The following TRIM68 variants were observed in gnomAD, a reference collection of about 807,000 sequenced individuals.
TRIM68 encodes E3 ubiquitin-protein ligase TRIM68.
In TRIM68, 36 loss-of-function variants were observed where a neutral mutation model predicts 41.9. The observed-to-expected ratio is 0.86, with a 90% CI of 0.66 to 1.14. The LOEUF is 1.14. Ranked by LOEUF, TRIM68 falls within the 50% of genes most tolerant of loss-of-function variation. The probability of loss-of-function intolerance (pLI) is 0.00; values close to 1 mark genes in which losing one functional copy is unlikely to be tolerated. For missense variants in TRIM68, 632 were observed against 605.1 expected, an observed-to-expected ratio of 1.04 and a Z score of -0.47; for synonymous variants, 225 against 224.6, an observed-to-expected ratio of 1.00 and a Z score of -0.02.
At position 4,600,510 on chromosome 11, in the gene TRIM68, G is replaced by A. The variant is rs1846468232; in HGVS notation, c.1224C>T (p.Thr408=). 5.6e-6 allele frequency: 9 copies of A among 1,613,662 alleles called. No homozygotes were observed. In the South Asian group the frequency reaches 6.6e-5, roughly 12 times the overall value. The change falls in exon 7 of 7, where the codon ACC becomes ACT. Residue 408 remains threonine (T), a synonymous_variant. Coordinates refer to ENST00000300747, the MANE Select transcript of TRIM68 (RefSeq NM_018073.8). ...LRKGNEYRAG[T]DEYPILSLPV... ...GCAAGGACAGGATTGGGTACTCATC[G>A]GTGCCTGCTCGGTACTCATTTCCCT...
chr11:4,600,338 A>C lies in TRIM68; in HGVS notation c.1396T>G (p.Tyr466Asp), dbSNP rs1486511988. 1 of 1,612,192 alleles carries C rather than the reference A, an allele frequency of 6.2e-7. No homozygotes were observed. Among genetic ancestry groups the C allele is most frequent in the Admixed American group, 1.7e-5 (1 of 59,898 alleles). The change falls in exon 7 of 7, where the codon TAC becomes GAC. Residue 466 changes from tyrosine (Y) to aspartate (D), a missense_variant. By Grantham distance (160) the Tyr-to-Asp change is radical (BLOSUM62 -3). Coordinates refer to ENST00000300747, the MANE Select transcript of TRIM68 (RefSeq NM_018073.8). Reference protein sequence around the residue: ...GRLLPYFSPCYSIGTNNTAPL... With the variant: ...GRLLPYFSPCDSIGTNNTAPL... ...GCAGTGTTGTTGGTTCCAATGCTGT[A>C]GCAAGGACTAAAATAGGGCAGGAGG...
At position 4,602,382 on chromosome 11, in the gene TRIM68, C is replaced by T. The variant is rs200587212; in HGVS notation, c.553G>A (p.Val185Ile). The T allele has an allele frequency of 1.2e-5, 20 of 1,614,002 alleles. No homozygotes were observed. In the Admixed American group the frequency reaches 3.3e-4, roughly 27 times the overall value. Residue 185 changes from valine (V) to isoleucine (I), a missense_variant, in exon 4 of 7, where the codon GTA becomes ATA. Transcript: ENST00000300747. ...CGCTGGTATTTTTCAAACTCCCATACAATACTCTGTTTTCGGGTTTCCACC... is the reference window on the plus strand; with the variant it reads ...CGCTGGTATTTTTCAAACTCCCATATAATACTCTGTTTTCGGGTTTCCACC... ...IQVETRKQSI[V>I]WEFEKYQRLL...
At chr11:4,604,572 G>A (rs189053580) in intron 2 of TRIM68, among the ~76,000 whole-genome samples, 16 of 152,328 alleles carry the variant, frequency 1.1e-4, no homozygotes, top group Non-Finnish European at 1.9e-4. Flanking sequence ...TCAATCTTGT[G>A]ACTCACCCAT....
Position 4,600,107 on chromosome 11 carries a change from T to TCGCCG in TRIM68, c.*168_*169insCGGCG. ...GGCCTCTGCTTTTTAAAATAAGTGGTTTCATGACAGACTTCAGCCTGGTAG... is the reference window on the plus strand; with the variant it reads ...GGCCTCTGCTTTTTAAAATAAGTGGTCGCCGTTCATGACAGACTTCAGCCTGGTAG... On this transcript the variant is annotated 3_prime_UTR_variant, in exon 7 of 7. Coordinates refer to ENST00000300747, the MANE Select transcript of TRIM68 (RefSeq NM_018073.8). The TCGCCG allele has an allele frequency of 1.5e-6, 1 of 651,836 alleles. No homozygotes were observed. The highest frequency in any genetic ancestry group is 2.9e-5 in the South Asian group (1 of 34,006). The allele number at this position is 651,836 out of a possible 1,614,324, so 40.4% of individuals were successfully genotyped here. A position where few individuals can be genotyped will look rare whatever the true frequency, so the allele number is the denominator to read the frequency against.
chr11:4,605,661 CT>C, intron 1 of TRIM68, 100 bp from the exon 2 acceptor site: 1 of 742,718 alleles, frequency 1.3e-6, no homozygotes. Flanking sequence ...AACCACCTTC[CT>C]TTTGACCCTT....
chr11:4,603,462 G>A (rs1564865772), intron 2 of TRIM68, 122 bp from the exon 3 acceptor site: 2 of 802,616 alleles, frequency 2.5e-6, no homozygotes, highest in Non-Finnish European at 4.0e-6. Flanking sequence ...TGGGGAAAGG[G>A]AATGCCACAG....
At position 4,601,091 on chromosome 11, in the gene TRIM68, G is replaced by T. The variant is rs772773808; in HGVS notation, c.843C>A (p.Ile281=). ...KSWSLQQPEP[I]SLELKTDCRV... is the part of the protein sequence containing the mutation. The stretch of plus-strand genomic sequence containing the variant: ...GGCAATCTGTCTTCAACTCCAGGGA[G>T]ATTGGTTCTGGCTGCTGCAAGCTCC... The change falls in exon 6 of 7, where the codon ATC becomes ATA. Residue 281 remains isoleucine (I), a synonymous_variant. Transcript: ENST00000300747. 17 of 1,614,182 alleles carry T rather than the reference G, an allele frequency of 1.1e-5. No individual in the cohort carries two copies. The highest frequency in any genetic ancestry group is 1.4e-5 in the Non-Finnish European group (17 of 1,180,020).
Position 4,599,994 on chromosome 11 carries a change from T to C in TRIM68, c.*282A>G, listed in dbSNP as rs976032364. The C allele has an allele frequency of 2.8e-5, 9 of 325,282 alleles. No individual in the cohort carries two copies. The highest frequency in any genetic ancestry group is 4.5e-5 in the Non-Finnish European group (8 of 177,230). The allele number at this position is 325,282 out of a possible 1,614,324, so 20.1% of individuals were successfully genotyped here. A position where few individuals can be genotyped will look rare whatever the true frequency, so the allele number is the denominator to read the frequency against. ...ACTACATGGACAAAGTCCTGATCCT[T>C]ACCCCAACGAGTCACCTTAGAACTG... On this transcript the variant is annotated 3_prime_UTR_variant, in exon 7 of 7. Coordinates refer to ENST00000300747, the MANE Select transcript of TRIM68 (RefSeq NM_018073.8).
chr11:4,600,967 T>C (rs1846479375), intron 6 of TRIM68, 60 bp downstream of exon 6: 3 of 1,587,746 alleles, frequency 1.9e-6, no homozygotes, highest in Non-Finnish European at 2.6e-6. Flanking sequence ...CTGAACCATT[T>C]TCTATCTCTG....
chr11:4,605,382 A>T lies in TRIM68; in HGVS notation c.123T>A (p.Ser41=). 1 of 1,614,234 alleles carries T rather than the reference A, an allele frequency of 6.2e-7. No individual in the cohort carries two copies. Among genetic ancestry groups the T allele is most frequent in the Non-Finnish European group, 8.5e-7 (1 of 1,180,038 alleles). Residue 41 remains serine (S), a synonymous_variant, in exon 2 of 7, where the codon TCT becomes TCA. Coordinates refer to ENST00000300747, the MANE Select transcript of TRIM68 (RefSeq NM_018073.8). ...ATTCTCCTGGGATCTCCCAGAGTCCAGAGAGACAGCTGTGGCAGAAGCTGT... is the reference window on the plus strand; with the variant it reads ...ATTCTCCTGGGATCTCCCAGAGTCCTGAGAGACAGCTGTGGCAGAAGCTGT... ...CGHSFCHSCL[S]GLWEIPGESQ...
At chr11:4,602,536 A>G in intron 3 of TRIM68, 124 bp from the exon 4 acceptor site, 1 of 1,278,316 alleles carries the variant, frequency 7.8e-7, no homozygotes, top group Non-Finnish European at 1.1e-6. Context: ...GCAGGGGCAA[A>G]GATAAAGGAT....
Position 4,600,741 on chromosome 11 carries a change from G to C in TRIM68, c.993C>G (p.Asn331Lys), listed in dbSNP as rs775498491. 1 of 1,614,182 alleles carries C rather than the reference G, an allele frequency of 6.2e-7. No individual in the cohort carries two copies. Among genetic ancestry groups the C allele is most frequent in the Admixed American group, 1.7e-5 (1 of 60,014 alleles). The change falls in exon 7 of 7, where the codon AAC (asparagine) becomes AAG (lysine). Residue 331 changes from asparagine to lysine, a missense_variant. Physicochemically the swap from Asn to Lys is moderately conservative, Grantham distance 94 (BLOSUM62 0). Coordinates refer to ENST00000300747, the MANE Select transcript of TRIM68 (RefSeq NM_018073.8). ...DRKRVHYGDT[N>K]QKLPDNPERF... ...TCTCAGGATTGTCTGGCAGTTTCTG[G>C]TTGGTGTCTCCATAGTGCACACGTT... is the stretch of plus-strand genomic sequence containing the variant.
chr11:4,605,633 A>G, intron 1 of TRIM68, 72 bp from the exon 2 acceptor site: 2 of 967,262 alleles, frequency 2.1e-6, no homozygotes, highest in East Asian at 2.6e-5. Context: ...TAACAGGAAT[A>G]ATTAATTTCT....
In TRIM68 at chr11:4,602,148, TCACCTGCAA is replaced by T; in HGVS notation, c.778_783+3del. On this transcript the variant is annotated splice_donor_variant and splice_donor_region_variant and coding_sequence_variant and intron_variant, in exon 4 of 7. Coordinates refer to ENST00000300747, the MANE Select transcript of TRIM68 (RefSeq NM_018073.8). LOFTEE classifies it high-confidence loss of function. ...CAGGGTTACCAGGAAAACCTACTAC[TCACCTGCAA>T]CATCCAGCGGACAGGCCTCTGCGAC... 1 of 1,614,166 alleles carries T rather than the reference TCACCTGCAA, an allele frequency of 6.2e-7. No homozygotes were observed.
Position 4,600,726 on chromosome 11 carries a change from G to A in TRIM68, c.1008C>T (p.Asp336=). 2.5e-6 allele frequency: 4 copies of A among 1,614,192 alleles called. No individual in the cohort carries two copies. Among genetic ancestry groups the A allele is most frequent in the Non-Finnish European group, 3.4e-6 (4 of 1,180,040 alleles). ...HYGDTNQKLP[D]NPERFYRYNI... ...TATAGCGGTAAAATCTCTCAGGATT[G>A]TCTGGCAGTTTCTGGTTGGTGTCTC... Residue 336 remains aspartate (D), a synonymous_variant, in exon 7 of 7, where the codon GAC becomes GAT. Coordinates refer to ENST00000300747, the MANE Select transcript of TRIM68 (RefSeq NM_018073.8).
At position 4,600,360 on chromosome 11, in the gene TRIM68, G is replaced by A. The variant is rs779748074; in HGVS notation, c.1374C>T (p.Leu458=). 2.5e-6 allele frequency: 4 copies of A among 1,613,870 alleles called. No homozygotes were observed. Among genetic ancestry groups the A allele is most frequent in the Non-Finnish European group, 2.5e-6 (3 of 1,179,914 alleles). Residue 458 remains leucine, a synonymous_variant, in exon 7 of 7, where the codon CTC becomes CTT. Coordinates refer to ENST00000300747, the MANE Select transcript of TRIM68 (RefSeq NM_018073.8). ...TFPRYPFPGR[L]LPYFSPCYSI... ...TGTAGCAAGGACTAAAATAGGGCAG[G>A]AGGCGCCCAGGGAAGGGATAGCGGG... is the stretch of plus-strand genomic sequence containing the variant.
At position 4,602,299 on chromosome 11, in the gene TRIM68, A is replaced by G; in HGVS notation, c.636T>C (p.Ala212=). Residue 212 remains alanine, a synonymous_variant, in exon 4 of 7, where the codon GCT becomes GCC. Coordinates refer to ENST00000300747, the MANE Select transcript of TRIM68 (RefSeq NM_018073.8). ...CTGCCTCCCGCTGTAGGCTGGCCAGAGCTGCTGCTACCTCTGCCCCCAGCT... is the reference window on the plus strand; with the variant it reads ...CTGCCTCCCGCTGTAGGCTGGCCAGGGCTGCTGCTACCTCTGCCCCCAGCT... ...HRQLGAEVAA[A]LASLQREAAE... 1 of 1,614,168 alleles carries G rather than the reference A, an allele frequency of 6.2e-7. No individual in the cohort carries two copies. Among genetic ancestry groups the G allele is most frequent in the South Asian group, 1.1e-5 (1 of 91,084 alleles).
chr11:4,600,655 C>G lies in TRIM68; in HGVS notation c.1079G>C (p.Trp360Ser). ...SQCISSGRHY[W>S]EVEVGDRSEW... ...AGACCTGTCTCCCACCTCCACCTCC[C>G]AGTAGTGCCGGCCTGAGGAGATGCA... The change falls in exon 7 of 7, where the codon TGG (tryptophan) becomes TCG (serine). Residue 360 changes from tryptophan to serine, a missense_variant. Trp to Ser is a radical substitution (Grantham distance 177, BLOSUM62 -3). Transcript: ENST00000300747. 6.2e-7 allele frequency: 1 copy of G among 1,614,180 alleles called. No homozygotes were observed. Among genetic ancestry groups the G allele is most frequent in the Non-Finnish European group, 8.5e-7 (1 of 1,180,032 alleles).
At chr11:4,600,849 G>GT in intron 6 of TRIM68, 23 bp from the exon 7 acceptor site, 1 of 1,603,510 alleles carries the variant, frequency 6.2e-7, no homozygotes, top group Non-Finnish European at 8.5e-7. Flanking sequence ...GTCCTGGTTG[G>GT]TAACAGTGAT....
Sources: allele counts gnomAD v4.1 joint callset (sites outside exome capture counted in the v4.1 genomes callset), GRCh38; gene constraint gnomAD v4.1.1; transcripts MANE v1.5; gene names NCBI Gene and HGNC (gene_info 2026-07-23, HGNC 2026-07-21).